The following FTCD variants were observed in gnomAD, a reference collection of about 807,000 sequenced individuals.
FTCD encodes the protein formimidoyltransferase cyclodeaminase.
A neutral mutation model predicts 62.9 loss-of-function variants in FTCD; 76 were observed. The observed-to-expected ratio is 1.21, with a 90% CI of 1.00 to 1.46. The LOEUF (loss-of-function observed/expected upper bound fraction) is 1.46. FTCD is among the 40% of genes most tolerant of loss of function. FTCD has a pLI of 0.00. For missense variants in FTCD, 845 were observed against 751.3 expected (o/e 1.12, Z -1.46); for synonymous variants, 397 against 336.9 (o/e 1.18, Z -1.95).
intron 1 of FTCD, among the ~76,000 whole-genome samples, chr21:46,155,210 C>T (rs1159669159): frequency 6.6e-6 from 1 of 152,154 alleles, no homozygotes; most frequent in Non-Finnish European, 1.5e-5. Context: ...AACCCCCCAC[C>T]GAAAGCACCC....
intron 10 of FTCD, 87 bp downstream of exon 10, chr21:46,145,330 C>T (rs2079113831): frequency 1.1e-5 from 13 of 1,149,304 alleles, no homozygotes; most frequent in Admixed American, 6.6e-5. Flanking sequence ...CCTCCCCAGC[C>T]GGAGGCTGAC....
At chr21:46,153,583 C>A (rs940559654) in intron 2 of FTCD, among the ~76,000 whole-genome samples, 1 of 152,224 alleles carries the variant, frequency 6.6e-6, no homozygotes, top group Non-Finnish European at 1.5e-5. Flanking sequence ...CAGCCTCCCC[C>A]GCCTTTGCCG....
At chr21:46,145,612 C>T (rs1334672589) in intron 9 of FTCD, 34 bp from the exon 10 acceptor site, 1 of 1,506,368 alleles carries the variant, frequency 6.6e-7, no homozygotes, top group Non-Finnish European at 8.9e-7. Context: ...GTCGCAGGGA[C>T]CCCAGACGGC....
At chr21:46,155,369 G>A (rs1048997860) in intron 1 of FTCD, 101 bp downstream of exon 1, 10 of 1,001,690 alleles carry the variant, frequency 1.0e-5, no homozygotes, top group East Asian at 5.1e-5. Context: ...CTGGGAAGAC[G>A]ACCCGGGACA....
intron 7 of FTCD, among the ~76,000 whole-genome samples, chr21:46,147,966 A>C (rs904899827): frequency 9.9e-5 from 15 of 151,506 alleles, no homozygotes; most frequent in African/African-American, 2.2e-4. Context: ...AAAAAGAAGA[A>C]GACAAAACGC....
At position 46,137,344 on chromosome 21, in the gene FTCD, C is replaced by A; in HGVS notation, c.1444-10G>T. ...GGGCTTTGGCCGCCACCTGCAAGGACCCCAGGGAGCCCCTACATGGATCAA... is the reference window on the plus strand; with the variant it reads ...GGGCTTTGGCCGCCACCTGCAAGGAACCCAGGGAGCCCCTACATGGATCAA... On this transcript the variant is annotated splice_polypyrimidine_tract_variant and intron_variant, in intron 12 of 13. Coordinates refer to ENST00000397746, the MANE Select transcript of FTCD (RefSeq NM_206965.2). 1 of 1,600,108 alleles carries A rather than the reference C, an allele frequency of 6.2e-7. No homozygotes were observed. Among genetic ancestry groups the A allele is most frequent in the Non-Finnish European group, 8.6e-7 (1 of 1,168,246 alleles).
rs1262386159 is a variant in FTCD at position 46,154,307 on chromosome 21, A to G, written c.80T>C (p.Ile27Thr). The G allele has an allele frequency of 1.2e-6, 2 of 1,611,194 alleles. No homozygotes were observed. The highest frequency in any genetic ancestry group is 1.7e-6 in the Non-Finnish European group (2 of 1,179,634). The part of the protein sequence containing the change: ...QEVIDAISGA[I>T]TQTPGCVLLD... ...CAGCACGCAGCCCGGGGTCTGTGTG[A>G]TGGCTCCAGAGATGGCGTCGATCAC... The change falls in exon 2 of 14, where the codon ATC becomes ACC. Residue 27 changes from isoleucine to threonine, a missense_variant. Transcript: ENST00000397746.
rs1253752901 is a variant in FTCD at position 46,145,842 on chromosome 21, C to G, written c.1074G>C (p.Ser358=). 1 of 1,090,244 alleles carries G rather than the reference C, an allele frequency of 9.2e-7. No individual in the cohort carries two copies. The highest frequency in any genetic ancestry group is 1.1e-6 in the Non-Finnish European group (1 of 916,906). 67.5% of individuals were successfully genotyped at this position (1,090,244 alleles called of 1,614,324 possible). Residue 358 remains serine (S), a synonymous_variant, in exon 9 of 14, where the codon TCG becomes TCC. Coordinates refer to ENST00000397746, the MANE Select transcript of FTCD (RefSeq NM_206965.2). ...CCATGGCCGCAGCGGCCGCCGCCAC[C>G]GAGCCGCCCCCGGGGGCCGCAGAGC... is the stretch of plus-strand genomic sequence containing the variant. ...GARSAAPGGG[S]VAAAAAAMGA...
At chr21:46,148,388 G>A (rs1401675005) in intron 7 of FTCD, among the ~76,000 whole-genome samples, 1 of 152,170 alleles carries the variant, frequency 6.6e-6, no homozygotes, top group Non-Finnish European at 1.5e-5. Context: ...CTTTTAGGAG[G>A]CTGACGTGAG....
intron 10 of FTCD, among the ~76,000 whole-genome samples, chr21:46,140,052 C>T (rs2078960743): frequency 6.6e-6 from 1 of 152,200 alleles, no homozygotes; most frequent in South Asian, 2.1e-4. Flanking sequence ...GTTTTCTATT[C>T]CATCTGGAAA....
In FTCD at chr21:46,138,924, C is replaced by T; in HGVS notation, c.1261-1G>A. On this transcript the variant is annotated splice_acceptor_variant, in intron 10 of 13. Coordinates refer to ENST00000397746, the MANE Select transcript of FTCD (RefSeq NM_206965.2). LOFTEE classifies it high-confidence loss of function. Reference sequence around the variant, plus strand: ...TGTTCTTGGGGAGCCTCATTGCTTCCTGCCATAAAGAGACAGAACCACTGG... The same window carrying T: ...TGTTCTTGGGGAGCCTCATTGCTTCTTGCCATAAAGAGACAGAACCACTGG... 6.2e-7 allele frequency: 1 copy of T among 1,612,396 alleles called. No individual in the cohort carries two copies. The highest frequency in any genetic ancestry group is 8.5e-7 in the Non-Finnish European group (1 of 1,178,588).
chr21:46,138,432 G>T, intron 12 of FTCD, 76 bp downstream of exon 12: 2 of 1,411,314 alleles, frequency 1.4e-6, no homozygotes, highest in Non-Finnish European at 9.7e-7. Context: ...CAACCACCGT[G>T]CTCTCCAGCA....
chr21:46,137,462 C>T (rs1182336417), intron 12 of FTCD, 128 bp from the exon 13 acceptor site: 2 of 766,484 alleles, frequency 2.6e-6, no homozygotes, highest in Admixed American at 3.8e-5. Context: ...CCCAGCGCAG[C>T]CCCCGCTTTC....
At chr21:46,142,685 G>C (rs574881181) in intron 10 of FTCD, 2 of 152,358 alleles carry the variant, frequency 1.3e-5, no homozygotes, top group Non-Finnish European at 2.9e-5. Flanking sequence ...CCCACAGCTT[G>C]GAACAGAACC....
At chr21:46,139,414 G>A (rs990420176) in intron 10 of FTCD, among the ~76,000 whole-genome samples, 5 of 152,158 alleles carry the variant, frequency 3.3e-5, no homozygotes, top group Non-Finnish European at 5.9e-5. Context: ...TGTAGCTCAC[G>A]GCGTCACCGT....
intron 10 of FTCD, 123 bp downstream of exon 10, chr21:46,145,294 C>A: frequency 1.3e-6 from 1 of 790,256 alleles, no homozygotes; most frequent in Non-Finnish European, 2.0e-6. Flanking sequence ...GTGGTGACGC[C>A]CTCAGGCCCC....
At position 46,138,784 on chromosome 21, in the gene FTCD, C is replaced by T. The variant is rs1601294733; in HGVS notation, c.1304+96G>A. The T allele has an allele frequency of 7.0e-6, 10 of 1,428,148 alleles. No individual in the cohort carries two copies. The East Asian group carries it at 2.3e-4, about 32-fold the overall frequency. 88.5% of individuals were successfully genotyped at this position (1,428,148 alleles called of 1,614,324 possible). The stretch of plus-strand genomic sequence containing the variant: ...TCCCAAACACCCAGCACGCCCAGGC[C>T]AACCACGCCCCGTCACAGCACCCAG... On this transcript the variant is annotated intron_variant, in intron 11 of 13. Coordinates refer to ENST00000397746, the MANE Select transcript of FTCD (RefSeq NM_206965.2).
At chr21:46,140,894 GTAAACCAATCCAGCACTCCCCGTCCA>G (rs2078988908) in intron 10 of FTCD, among the ~76,000 whole-genome samples, 2 of 150,218 alleles carry the variant, frequency 1.3e-5, no homozygotes, top group African/African-American at 4.9e-5. Context: ...CACAGGGAGC[GTAAACCAATCCAGCACTCCCCGTCCA>G]CCTTCACGTG....
At chr21:46,136,758 ACCG>A, downstream of FTCD, 1 of 1,492,398 alleles carries the variant, frequency 6.7e-7, no homozygotes, top group Non-Finnish European at 8.9e-7. Context: ...TGCCCCCAAA[ACCG>A]CCAACACACA....
Sources: allele counts gnomAD v4.1 joint callset (sites outside exome capture counted in the v4.1 genomes callset), GRCh38; gene constraint gnomAD v4.1.1; transcripts MANE v1.5; gene names NCBI Gene and HGNC (gene_info 2026-07-23, HGNC 2026-07-21).